Variants in DDX55 observed in about 807,000 individuals in gnomAD.
The protein encoded by DDX55 is DEAD-box helicase 55.
DDX55 carries 56 observed loss-of-function variants against 69.2 expected under a neutral mutation model. The observed-to-expected ratio is 0.81, with a 90% confidence interval of 0.65 to 1.01. The LOEUF is 1.01. Among genes scored for constraint, DDX55 ranks in the 50% least tolerant of loss-of-function variants. The probability of loss-of-function intolerance (pLI) is 0.00; values close to 1 mark genes in which losing one functional copy is unlikely to be tolerated. For synonymous variants in DDX55, 268 were observed against 273.1 expected (o/e 0.98, Z 0.18); for missense variants, 720 against 745.1 (o/e 0.97, Z 0.39).
chr12:123,617,976 G>T, intron 11 of DDX55, 104 bp downstream of exon 11: 1 of 1,145,978 alleles, frequency 8.7e-7, no homozygotes, highest in East Asian at 2.5e-5. Context: ...CAAACTCACT[G>T]GGGCTGGGCT....
intron 11 of DDX55, chr12:123,618,107 C>T (rs980124025): frequency 3.0e-5 from 14 of 460,374 alleles, no homozygotes; most frequent in Non-Finnish European, 1.2e-5. Flanking sequence ...ACCTCCACCT[C>T]CCGGGTTCAA....
At chr12:123,609,655 G>T (rs1954094967) in intron 6 of DDX55, among the ~76,000 whole-genome samples, 1 of 151,996 alleles carries the variant, frequency 6.6e-6, no homozygotes, top group South Asian at 2.1e-4. Flanking sequence ...TTACAAGCAT[G>T]AGCCATCACA....
chr12:123,602,985 G>A (rs1253707343), intron 1 of DDX55, among the ~76,000 whole-genome samples: 1 of 152,194 alleles, frequency 6.6e-6, no homozygotes, highest in Non-Finnish European at 1.5e-5. Flanking sequence ...TTCCACTGGA[G>A]AGAAATACCA....
rs1566211024 is a variant in DDX55, at chr12:123,620,600, ATATATATATATATATATATATATATAT to A, written c.*461_*487del. The A allele has an allele frequency of 1.4e-5, 1 of 72,240 alleles. No individual in the cohort carries two copies. Among genetic ancestry groups the A allele is most frequent in the East Asian group, 3.1e-4 (1 of 3,240 alleles). The allele number at this position is 72,240 out of a possible 1,614,324, so 4.5% of individuals were successfully genotyped here. On this transcript the variant is annotated 3_prime_UTR_variant, in exon 14 of 14. Coordinates refer to ENST00000238146, the MANE Select transcript of DDX55 (RefSeq NM_020936.3). ...ACATATTATATATATATATATATAT[ATATATATATATATATATATATATATAT>A]AAGCTCTTTTTTCTGAGGCTATTTT...
rs769029985 is a variant in DDX55 at position 123,617,765 on chromosome 12, G to A, written c.1057G>A (p.Val353Met). Residue 353 changes from valine (V) to methionine (M), a missense_variant, in exon 11 of 14, where the codon GTG (valine) becomes ATG (methionine). Val to Met is a conservative substitution (Grantham distance 21, BLOSUM62 1). Transcript: ENST00000238146. The stretch of plus-strand genomic sequence containing the variant: ...CACCCTGTGTTCTCACAGTGCCTTC[G>A]TGCATCGCTGCGGTCGCACAGCTCG... ...YDPPSNASAF[V>M]HRCGRTARIG... is the part of the protein sequence containing the mutation. 10 of 1,611,816 alleles carry A rather than the reference G, an allele frequency of 6.2e-6. No homozygotes were observed. The highest frequency in any genetic ancestry group is 3.3e-5 in the South Asian group (3 of 90,932).
intron 8 of DDX55, among the ~76,000 whole-genome samples, chr12:123,614,315 G>T (rs926975958): frequency 6.6e-6 from 1 of 152,176 alleles, no homozygotes; most frequent in East Asian, 1.9e-4. Flanking sequence ...GAAAAGAGCG[G>T]TCACAGCACA....
At chr12:123,610,901 T>TTTG (rs1433117000) in intron 7 of DDX55, among the ~76,000 whole-genome samples, 1 of 141,172 alleles carries the variant, frequency 7.1e-6, no homozygotes, top group African/African-American at 2.7e-5. Flanking sequence ...TTTTTTTTTG[T>TTTG]TTGTTTTTTT....
At chr12:123,609,791 C>T in intron 6 of DDX55, 148 bp from the exon 7 acceptor site, 1 of 894,510 alleles carries the variant, frequency 1.1e-6, no homozygotes, top group East Asian at 2.8e-5. Flanking sequence ...CAAAGAATCA[C>T]CTATAATCTC....
At chr12:123,607,384 G>C (rs1481214065) in intron 3 of DDX55, 48 bp from the exon 4 acceptor site, 1 of 1,601,666 alleles carries the variant, frequency 6.2e-7, no homozygotes, top group Non-Finnish European at 8.5e-7. Context: ...GTTCCTCTCT[G>C]GGAGTCCCTT....
rs112615775 is a variant in DDX55, at chr12:123,618,225, T to C, written c.1164+353T>C. ...TGGGGTTTCTCCATGTTGGTCAGGC[T>C]GGTCTTGAACTCCCGACCTCAGGTG... On this transcript the variant is annotated intron_variant, in intron 11 of 13. Transcript: ENST00000238146. The C allele has an allele frequency of 4.7e-3, 1,869 of 397,058 alleles. 36 individuals carry two copies. Among genetic ancestry groups the C allele is most frequent in the African/African-American group, 0.036 (1,735 of 48,020 alleles). The allele number at this position is 397,058 out of a possible 1,614,324, so 24.6% of individuals were successfully genotyped here. A position where few individuals can be genotyped will look rare whatever the true frequency, so the allele number is the denominator to read the frequency against.
chr12:123,606,195 C>A, intron 3 of DDX55, 36 bp downstream of exon 3: 1 of 1,608,030 alleles, frequency 6.2e-7, no homozygotes, highest in South Asian at 1.1e-5. Context: ...TTCACCTAGT[C>A]ATCAGAGAGT....
intron 7 of DDX55, among the ~76,000 whole-genome samples, chr12:123,611,024 C>G (rs916340827): frequency 6.6e-6 from 1 of 152,058 alleles, no homozygotes; most frequent in Non-Finnish European, 1.5e-5. Context: ...CTCAGTCTCC[C>G]GAGTAGCTGG....
intron 7 of DDX55, among the ~76,000 whole-genome samples, chr12:123,612,932 T>C (rs1391350828): frequency 3.3e-5 from 5 of 152,212 alleles, no homozygotes; most frequent in Non-Finnish European, 7.3e-5. Flanking sequence ...TGTTGCCTGT[T>C]GGATGACTGT....
Position 123,608,683 on chromosome 12 carries a change from G to A in DDX55, c.405G>A (p.Gly135=), listed in dbSNP as rs1452293738. Residue 135 remains glycine (G), a synonymous_variant, in exon 6 of 14, where the codon GGG becomes GGA. Coordinates refer to ENST00000238146, the MANE Select transcript of DDX55 (RefSeq NM_020936.3). The part of the protein sequence containing the change: ...EDVERFKQQG[G]NIIVATPGRL... Reference sequence around the variant, plus strand: ...AATGTTAACTTTCTTTCCAAAGTGGGAACATCATTGTGGCCACTCCAGGCC... The same window carrying A: ...AATGTTAACTTTCTTTCCAAAGTGGAAACATCATTGTGGCCACTCCAGGCC... 2.5e-6 allele frequency: 4 copies of A among 1,612,584 alleles called. No homozygotes were observed. The highest frequency in any genetic ancestry group is 1.1e-5 in the South Asian group (1 of 90,974).
intron 5 of DDX55, chr12:123,607,909 C>CAGGG (rs1953990945): frequency 1.8e-6 from 1 of 553,658 alleles, no homozygotes; most frequent in African/African-American, 1.9e-5. Flanking sequence ...AATGAGTGGT[C>CAGGG]AGGGGCTGGG....
intron 1 of DDX55, 68 bp from the exon 2 acceptor site, chr12:123,605,863 A>T: frequency 6.2e-7 from 1 of 1,608,116 alleles, no homozygotes; most frequent in Non-Finnish European, 8.5e-7. Flanking sequence ...TTATGTTCCT[A>T]GGGCTTCGGG....
chr12:123,604,392 T>G (rs1033076712), intron 1 of DDX55, among the ~76,000 whole-genome samples: 1 of 152,168 alleles, frequency 6.6e-6, no homozygotes, highest in Non-Finnish European at 1.5e-5. Context: ...AAATTTTTTT[T>G]AAATAAATGA....
chr12:123,602,194 CTGCACCCGCAGG>C lies in DDX55; in HGVS notation c.50_61del (p.His17_Val20del). 1 of 1,572,364 alleles carries C rather than the reference CTGCACCCGCAGG, an allele frequency of 6.4e-7. No individual in the cohort carries two copies. Among genetic ancestry groups the C allele is most frequent in the East Asian group, 2.3e-5 (1 of 42,782 alleles). On this transcript the variant is annotated inframe_deletion, in exon 1 of 14. Transcript: ENST00000238146. ...CTCCTGGGAGTCGCTGCCTGTGCCG[CTGCACCCGCAGG>C]TGCTGGGCGCGCTGCGGGAGCTGGG...
At position 123,617,804 on chromosome 12, in the gene DDX55, G is replaced by T; in HGVS notation, c.1096G>T (p.Gly366Cys). 6.2e-7 allele frequency: 1 copy of T among 1,613,896 alleles called. No homozygotes were observed. Among genetic ancestry groups the T allele is most frequent in the South Asian group, 1.1e-5 (1 of 91,052 alleles). Residue 366 changes from glycine to cysteine, a missense_variant, in exon 11 of 14, where the codon GGC becomes TGC. Gly to Cys is a radical substitution (Grantham distance 159). Coordinates refer to ENST00000238146, the MANE Select transcript of DDX55 (RefSeq NM_020936.3). ...TCGCACAGCTCGCATTGGCCACGGG[G>T]GCAGCGCTCTGGTGTTCCTCCTGCC... is the stretch of plus-strand genomic sequence containing the variant. ...CGRTARIGHGGSALVFLLPME... is the reference protein window; with the variant it reads ...CGRTARIGHGCSALVFLLPME...
Sources: allele counts gnomAD v4.1 joint callset (sites outside exome capture counted in the v4.1 genomes callset), GRCh38; gene constraint gnomAD v4.1.1; transcripts MANE v1.5; gene names NCBI Gene and HGNC (gene_info 2026-07-23, HGNC 2026-07-21).